The following MAGEC1 variants were observed in gnomAD, a reference collection of about 807,000 sequenced individuals.
The protein encoded by MAGEC1 is melanoma-associated antigen C1.
In MAGEC1, 3 loss-of-function variants were observed where a neutral mutation model predicts 1.5. That is an observed-to-expected ratio of 1.97 (90% confidence interval 0.90 to 5.10). The LOEUF (loss-of-function observed/expected upper bound fraction) is 5.10. Ranked by LOEUF, MAGEC1 falls within the 30% of genes most tolerant of loss-of-function variation. The pLI is 0.02. For synonymous variants in MAGEC1, 357 were observed against 310.4 expected (o/e 1.15, Z -1.58); for missense variants, 985 against 803.1 (o/e 1.23, Z -2.74).
Position 141,905,916 on chromosome X carries a change from C to T in MAGEC1, c.512C>T (p.Ser171Phe), listed in dbSNP as rs147161343. The T allele has an allele frequency of 1.1e-3, 1,322 of 1,188,872 alleles. 9 individuals are homozygous for T. Among genetic ancestry groups the T allele is most frequent in the Non-Finnish European group, 1.3e-3 (1,188 of 885,934 alleles). The change falls in exon 4 of 4, where the codon TCC becomes TTC. Residue 171 changes from serine (S) to phenylalanine (F), a missense_variant. Physicochemically the swap from Ser to Phe is radical, Grantham distance 155 (BLOSUM62 -2). Coordinates refer to ENST00000285879, the MANE Select transcript of MAGEC1 (RefSeq NM_005462.5). The part of the protein sequence containing the change: ...SVLQIPVSAA[S>F]SSTLVSIFQS... Reference sequence around the variant, plus strand: ...CTCCAGATTCCTGTGAGCGCCGCCTCCTCCTCCACTTTAGTGAGTATTTTC... The same window carrying T: ...CTCCAGATTCCTGTGAGCGCCGCCTTCTCCTCCACTTTAGTGAGTATTTTC...
At chrX:141,905,121 C>T (rs1238186655) in intron 3 of MAGEC1, 45 bp downstream of exon 3, 2 of 1,206,892 alleles carry the variant, frequency 1.7e-6, no homozygotes, top group East Asian at 3.0e-5. Flanking sequence ...CTCTCTCCCT[C>T]AGTCCTGTGG....
chrX:141,909,152 G>A lies in MAGEC1; in HGVS notation c.*319G>A. 5.6e-6 allele frequency: 1 copy of A among 177,588 alleles called. No homozygotes were observed. Among genetic ancestry groups the A allele is most frequent in the Non-Finnish European group, 1.1e-5 (1 of 94,922 alleles). 14.6% of individuals were successfully genotyped at this position (177,588 alleles called of 1,213,427 possible). A position where few individuals can be genotyped will look rare whatever the true frequency, so the allele number is the denominator to read the frequency against. On this transcript the variant is annotated 3_prime_UTR_variant, in exon 4 of 4. Transcript: ENST00000285879. ...ACACACCACATTGGGAAAACCTTCT[G>A]CCTCATTTTGTGATGTGTCACAGGT...
At position 141,905,574 on chromosome X, in the gene MAGEC1, G is replaced by T. The variant is rs571922643; in HGVS notation, c.170G>T (p.Arg57Leu). 5.1e-5 allele frequency: 61 copies of T among 1,203,431 alleles called. No homozygotes were observed. Among genetic ancestry groups the T allele is most frequent in the Non-Finnish European group, 6.7e-5 (60 of 893,146 alleles). ...TLYPLQSPQS[R>L]SEGEDSSDPL... The stretch of plus-strand genomic sequence containing the variant: ...TATCCTCTCCAGAGTCCTCAGAGTC[G>T]TTCTGAGGGGGAGGACTCCTCGGAT... The change falls in exon 4 of 4, where the codon CGT becomes CTT. Residue 57 changes from arginine (R) to leucine (L), a missense_variant. Arg to Leu is a moderately radical substitution (Grantham distance 102). Transcript: ENST00000285879.
At position 141,905,051 on chromosome X, in the gene MAGEC1, G is replaced by A; in HGVS notation, c.-22G>A. 19 of 1,211,983 alleles carry A rather than the reference G, an allele frequency of 1.6e-5. No individual in the cohort carries two copies. The highest frequency in any genetic ancestry group is 2.1e-5 in the Non-Finnish European group (19 of 895,554). On this transcript the variant is annotated 5_prime_UTR_variant, in exon 3 of 4. Coordinates refer to ENST00000285879, the MANE Select transcript of MAGEC1 (RefSeq NM_005462.5). The stretch of plus-strand genomic sequence containing the variant: ...CACCTTAAGAGAAGAAGAGCTGTAA[G>A]CCGGCCTTTGTCAGAGCCATCATGG...
chrX:141,908,130 A>G lies in MAGEC1; in HGVS notation c.2726A>G (p.Asp909Gly). The part of the protein sequence containing the change: ...ESEPLFTYTL[D>G]EKVDELARFL... ...GAGCCCTTGTTCACTTATACACTGG[A>G]TGAAAAGGTGGACGAGTTGGCGCGG... The change falls in exon 4 of 4, where the codon GAT becomes GGT. Residue 909 changes from aspartate (D) to glycine (G), a missense_variant. Physicochemically the swap from Asp to Gly is moderately conservative, Grantham distance 94. Coordinates refer to ENST00000285879, the MANE Select transcript of MAGEC1 (RefSeq NM_005462.5). 1 of 1,211,972 alleles carries G rather than the reference A, an allele frequency of 8.3e-7. No individual in the cohort carries two copies. Among genetic ancestry groups the G allele is most frequent in the Non-Finnish European group, 1.1e-6 (1 of 895,563 alleles).
rs176048 is a variant in MAGEC1 at position 141,906,805 on chromosome X, C to G, written c.1401C>G (p.His467Gln). The G allele has an allele frequency of 0.24, 282,543 of 1,194,297 alleles. 24,980 individuals are homozygous for G. Among genetic ancestry groups the G allele is most frequent in the Non-Finnish European group, 0.27 (237,302 of 888,619 alleles). Residue 467 changes from histidine to glutamine, a missense_variant, in exon 4 of 4, where the codon CAC becomes CAG. Transcript: ENST00000285879. Reference protein sequence around the residue: ...SLFQSSPERTHSTFEGFPQSP... With the variant: ...SLFQSSPERTQSTFEGFPQSP... The stretch of plus-strand genomic sequence containing the variant: ...TCCAGAGTTCCCCTGAGAGAACTCA[C>G]AGTACTTTTGAGGGTTTTCCCCAGT...
Position 141,906,995 on chromosome X carries a change from C to A in MAGEC1, c.1591C>A (p.Gln531Lys). 1 of 1,211,966 alleles carries A rather than the reference C, an allele frequency of 8.3e-7. No individual in the cohort carries two copies. The highest frequency in any genetic ancestry group is 1.1e-6 in the Non-Finnish European group (1 of 895,485). The change falls in exon 4 of 4, where the codon CAG (glutamine) becomes AAG (lysine). Residue 531 changes from glutamine to lysine, a missense_variant. Physicochemically the swap from Gln to Lys is moderately conservative, Grantham distance 53. Transcript: ENST00000285879. ...PEGENTHSPL[Q>K]IVPSLPEWED... ...AGGGGAGAATACCCATTCTCCTCTC[C>A]AGATTGTTCCAAGTCTTCCTGAGTG... is the stretch of plus-strand genomic sequence containing the variant.
rs138698960 is a variant in MAGEC1, at chrX:141,906,519, C to T, written c.1115C>T (p.Pro372Leu). ...QSTFEGFPQS[P>L]LQIPGSPSFS... ...ACTTTTGAGGGTTTTCCCCAGTCTC[C>T]TCTCCAGATTCCTGGGAGCCCCTCC... Residue 372 changes from proline (P) to leucine (L), a missense_variant, in exon 4 of 4, where the codon CCT becomes CTT. Pro to Leu is a moderately conservative substitution (Grantham distance 98). Transcript: ENST00000285879. 33 of 1,194,427 alleles carry T rather than the reference C, an allele frequency of 2.8e-5. No individual in the cohort carries two copies. The Admixed American group carries it at 3.4e-4, about 12-fold the overall frequency.
rs745318448 is a variant in MAGEC1 at position 141,907,436 on chromosome X, A to G, written c.2032A>G (p.Ser678Gly). Residue 678 changes from serine (S) to glycine (G), a missense_variant, in exon 4 of 4, where the codon AGT becomes GGT. Ser to Gly is a moderately conservative substitution (Grantham distance 56, BLOSUM62 0). Coordinates refer to ENST00000285879, the MANE Select transcript of MAGEC1 (RefSeq NM_005462.5). ...GATGCACTCCCAATCTCCTCTCCAGAGTCCTGAGAGTGCTCCTGAGGGGGA... is the reference window on the plus strand; with the variant it reads ...GATGCACTCCCAATCTCCTCTCCAGGGTCCTGAGAGTGCTCCTGAGGGGGA... ...EGMHSQSPLQSPESAPEGEDS... is the reference protein window; with the variant it reads ...EGMHSQSPLQGPESAPEGEDS... The G allele has an allele frequency of 5.0e-6, 6 of 1,195,371 alleles. No homozygotes were observed. The Admixed American group carries it at 1.3e-4, about 27-fold the overall frequency.
Position 141,907,037 on chromosome X carries a change from C to G in MAGEC1, c.1633C>G (p.Pro545Ala). The change falls in exon 4 of 4, where the codon CCT becomes GCT. Residue 545 changes from proline to alanine, a missense_variant. Coordinates refer to ENST00000285879, the MANE Select transcript of MAGEC1 (RefSeq NM_005462.5). ...TCCTGAGTGGGAGGACTCCCTGTCT[C>G]CTCACTACTTTCCTCAGAGCCCTCC... Reference protein sequence around the residue: ...SLPEWEDSLSPHYFPQSPPQG... With the variant: ...SLPEWEDSLSAHYFPQSPPQG... 1 of 1,211,657 alleles carries G rather than the reference C, an allele frequency of 8.3e-7. No individual in the cohort carries two copies. Among genetic ancestry groups the G allele is most frequent in the Non-Finnish European group, 1.1e-6 (1 of 895,346 alleles).
chrX:141,906,426 C>A lies in MAGEC1; in HGVS notation c.1022C>A (p.Pro341His). 1 of 1,201,493 alleles carries A rather than the reference C, an allele frequency of 8.3e-7. No homozygotes were observed. The highest frequency in any genetic ancestry group is 1.1e-6 in the Non-Finnish European group (1 of 888,632). Residue 341 changes from proline to histidine, a missense_variant, in exon 4 of 4, where the codon CCT becomes CAT. Coordinates refer to ENST00000285879, the MANE Select transcript of MAGEC1 (RefSeq NM_005462.5). ...EGFPQSLLQI[P>H]MTSSFSSTLL... is the part of the protein sequence containing the mutation. ...TTTCCCCAGTCTCTTCTCCAGATTC[C>A]TATGACCTCCTCCTTCTCCTCTACT... is the stretch of plus-strand genomic sequence containing the variant.
chrX:141,905,725 C>T lies in MAGEC1; in HGVS notation c.321C>T (p.Asp107=). 8.3e-7 allele frequency: 1 copy of T among 1,211,333 alleles called. No homozygotes were observed. The highest frequency in any genetic ancestry group is 1.1e-6 in the Non-Finnish European group (1 of 895,051). Residue 107 remains aspartate (D), a synonymous_variant, in exon 4 of 4, where the codon GAC becomes GAT. Coordinates refer to ENST00000285879, the MANE Select transcript of MAGEC1 (RefSeq NM_005462.5). ...CTCAGAGTTCTCCTGAGGGGAAGGA[C>T]TCCCTGTCTCCTCTAGAGATTTCTC... The part of the protein sequence containing the change: ...QNSQSSPEGK[D]SLSPLEISQS...
chrX:141,904,614 G>T (rs778095584), intron 1 of MAGEC1, 103 bp from the exon 2 acceptor site: 39 of 138,788 alleles, frequency 2.8e-4, no homozygotes, highest in Non-Finnish European at 5.1e-4. Flanking sequence ...AATGCTAATT[G>T]AATTCTGAGG....
Position 141,906,719 on chromosome X carries a change from C to T in MAGEC1, c.1315C>T (p.Pro439Ser), listed in dbSNP as rs764103583. The T allele has an allele frequency of 1.1e-5, 13 of 1,201,959 alleles. No individual in the cohort carries two copies. The East Asian group carries it at 3.9e-4, about 36-fold the overall frequency. The change falls in exon 4 of 4, where the codon CCC becomes TCC. Residue 439 changes from proline to serine, a missense_variant. By Grantham distance (74) the Pro-to-Ser change is moderately conservative (BLOSUM62 -1). Transcript: ENST00000285879. ...ESAQSAFEGF[P>S]QSPLQIPVSS... is the part of the protein sequence containing the mutation. ...TGCTCAAAGTGCTTTTGAGGGTTTTCCCCAGTCTCCTCTCCAGATTCCTGT... is the reference window on the plus strand; with the variant it reads ...TGCTCAAAGTGCTTTTGAGGGTTTTTCCCAGTCTCCTCTCCAGATTCCTGT...
Position 141,908,429 on chromosome X carries a change from A to G in MAGEC1, c.3025A>G (p.Ile1009Val). The change falls in exon 4 of 4, where the codon ATA becomes GTA. Residue 1009 changes from isoleucine to valine, a missense_variant. Physicochemically the swap from Ile to Val is conservative, Grantham distance 29. Transcript: ENST00000285879. ...GATTCTTATTCTGAGTATCATCTTC[A>G]TAAAGGGCACCTATGCCTCTGAGGA... ...LLILILSIIF[I>V]KGTYASEEVI... is the part of the protein sequence containing the mutation. 8.3e-7 allele frequency: 1 copy of G among 1,210,988 alleles called. No homozygotes were observed. Among genetic ancestry groups the G allele is most frequent in the Non-Finnish European group, 1.1e-6 (1 of 895,246 alleles).
In MAGEC1 at chrX:141,906,885, T is replaced by C. The variant is rs184828624; in HGVS notation, c.1481T>C (p.Leu494Pro). The C allele has an allele frequency of 1.7e-6, 2 of 1,209,286 alleles. No homozygotes were observed. The highest frequency in any genetic ancestry group is 4.4e-5 in the Admixed American group (2 of 45,800). The change falls in exon 4 of 4, where the codon CTT becomes CCT. Residue 494 changes from leucine to proline, a missense_variant. Transcript: ENST00000285879. ...SSSSSSTLLS[L>P]FQSSPECTQS... ...TCCTCCTCCTCCACTTTATTGAGTC[T>C]TTTCCAGAGTTCCCCTGAGTGTACT...
At position 141,909,247 on chromosome X, in the gene MAGEC1, G is replaced by C. The variant is rs1927054496; in HGVS notation, c.*414G>C. On this transcript the variant is annotated 3_prime_UTR_variant, in exon 4 of 4. Transcript: ENST00000285879. ...CTCTGCAGTTAAATAGTGGAATAAA[G>C]TAAAGGATTGTTAATGTTTGCATTT... 2.5e-5 allele frequency: 3 copies of C among 119,582 alleles called. No homozygotes were observed. In the Admixed American group the frequency reaches 2.7e-4, roughly 11 times the overall value. 9.9% of individuals were successfully genotyped at this position (119,582 alleles called of 1,213,427 possible). A position where few individuals can be genotyped will look rare whatever the true frequency, so the allele number is the denominator to read the frequency against.
Position 141,904,974 on chromosome X carries a change from C to T in MAGEC1, c.-99C>T, listed in dbSNP as rs1361096619. Reference sequence around the variant, plus strand: ...CTTTCTCGCGTCCTTCTACAGGTTCCCAGAAGACAAACCCCCTAGGAAGAC... The same window carrying T: ...CTTTCTCGCGTCCTTCTACAGGTTCTCAGAAGACAAACCCCCTAGGAAGAC... On this transcript the variant is annotated 5_prime_UTR_variant, in exon 3 of 4. Transcript: ENST00000285879. 3 of 1,178,318 alleles carry T rather than the reference C, an allele frequency of 2.5e-6. No individual in the cohort carries two copies. Among genetic ancestry groups the T allele is most frequent in the African/African-American group, 3.5e-5 (2 of 56,600 alleles).
rs146147483 is a variant in MAGEC1 at position 141,908,531 on chromosome X, C to G, written c.3127C>G (p.Leu1043Val). ...EHFAFGEPRE[L>V]LTKVWVQEHY... ...CTTTGCCTTTGGGGAGCCCAGGGAG[C>G]TCCTCACTAAAGTTTGGGTGCAGGA... Residue 1043 changes from leucine to valine, a missense_variant, in exon 4 of 4, where the codon CTC becomes GTC. By Grantham distance (32) the Leu-to-Val change is conservative. Transcript: ENST00000285879. 3.4e-6 allele frequency: 4 copies of G among 1,191,240 alleles called. No homozygotes were observed. The African/African-American group carries it at 5.3e-5, about 16-fold the overall frequency.
Sources: allele counts gnomAD v4.1 joint callset, GRCh38; gene constraint gnomAD v4.1.1; transcripts MANE v1.5; gene names NCBI Gene and HGNC (gene_info 2026-07-23, HGNC 2026-07-21).